Variants in ARL15 observed in about 807,000 individuals in gnomAD.
ARL15 encodes ADP-ribosylation factor-like protein 15.
Under a neutral mutation model 25.2 loss-of-function variants are expected in ARL15, and 19 were observed. That is an observed-to-expected ratio of 0.75 (90% CI 0.53 to 1.10). The LOEUF (loss-of-function observed/expected upper bound fraction) is 1.10. Among genes scored for constraint, ARL15 ranks in the 50% least tolerant of loss-of-function variants. The pLI, the probability that ARL15 is intolerant of heterozygous loss-of-function variation, is 0.00. For synonymous variants in ARL15, 94 were observed against 86.8 expected (o/e 1.08, Z -0.46); for missense variants, 220 against 246.0 (o/e 0.89, Z 0.71).
rs1491507286 is a variant in ARL15 at position 53,910,633 on chromosome 5, T to TATA, written c.463-23921_463-23920insTAT. On this transcript the variant is annotated intron_variant, in intron 4 of 4. Transcript: ENST00000504924. The stretch of plus-strand genomic sequence containing the variant: ...GAACTTAAAGTATAATAAAAAAAAA[T>TATA]TATATATATATATATATATATATAT... 2.9e-3 allele frequency among the ~76,000 whole-genome samples: 159 copies of TATA among 54,906 alleles called. 1 individual carries two copies. Among genetic ancestry groups the TATA allele is most frequent in the African/African-American group, 0.012 (155 of 13,442 alleles). The allele number at this position is 54,906 out of a possible 152,430, so 36.0% of individuals were successfully genotyped here.
chr5:53,959,603 C>T (rs930269557), intron 4 of ARL15, among the ~76,000 whole-genome samples: 7 of 152,052 alleles, frequency 4.6e-5, no homozygotes, highest in African/African-American at 1.2e-4. Flanking sequence ...CGATACTCTG[C>T]CTCTTTTCCT....
intron 4 of ARL15, among the ~76,000 whole-genome samples, chr5:54,044,551 G>A (rs1579732543): frequency 6.6e-6 from 1 of 152,006 alleles, no homozygotes; most frequent in East Asian, 1.9e-4. Flanking sequence ...GGCCAAAACA[G>A]GCCTTTATTT....
intron 4 of ARL15, among the ~76,000 whole-genome samples, chr5:53,892,097 C>G (rs971001898): frequency 6.6e-6 from 1 of 152,184 alleles, no homozygotes; most frequent in Non-Finnish European, 1.5e-5. Context: ...CTTGGACTTA[C>G]TTCCACTGGA....
At chr5:54,077,866 C>CA (rs373680227) in intron 4 of ARL15, among the ~76,000 whole-genome samples, 4 of 152,090 alleles carry the variant, frequency 2.6e-5, no homozygotes, top group African/African-American at 9.7e-5. Flanking sequence ...GGATATTTTA[C>CA]AATGTTTTTG....
At chr5:54,111,778 A>T (rs1017965745) in intron 4 of ARL15, among the ~76,000 whole-genome samples, 6 of 152,112 alleles carry the variant, frequency 3.9e-5, no homozygotes, top group Admixed American at 3.3e-4. Context: ...TAGCTGAATA[A>T]CAATGCATTC....
At chr5:53,991,911 T>TATA (rs1456685499) in intron 4 of ARL15, among the ~76,000 whole-genome samples, 2 of 152,190 alleles carry the variant, frequency 1.3e-5, no homozygotes, top group African/African-American at 4.8e-5. Flanking sequence ...AAATAATACT[T>TATA]ATAAATTGAA....
At chr5:53,893,137 G>A (rs1744773065) in intron 4 of ARL15, among the ~76,000 whole-genome samples, 1 of 152,048 alleles carries the variant, frequency 6.6e-6, no homozygotes. Flanking sequence ...ATTTTTCTCA[G>A]TGATATGGTG....
chr5:54,136,761 G>A (rs1379563054), intron 3 of ARL15, among the ~76,000 whole-genome samples: 3 of 152,130 alleles, frequency 2.0e-5, no homozygotes, highest in African/African-American at 7.2e-5. Flanking sequence ...TATAGCCACA[G>A]GGCTGAGAGT....
At chr5:54,203,816 G>A (rs1755785720) in intron 1 of ARL15, among the ~76,000 whole-genome samples, 1 of 152,078 alleles carries the variant, frequency 6.6e-6, no homozygotes, top group Non-Finnish European at 1.5e-5. Context: ...AAAAAGGGTT[G>A]GTTGGTTGGT....
intron 3 of ARL15, among the ~76,000 whole-genome samples, chr5:54,140,363 A>G (rs2112307152): frequency 6.6e-6 from 1 of 152,174 alleles, no homozygotes; most frequent in East Asian, 1.9e-4. Context: ...TGTACCACCA[A>G]CTATGATTTT....
chr5:54,022,707 C>T (rs79941133), intron 4 of ARL15, among the ~76,000 whole-genome samples: 1 of 152,158 alleles, frequency 6.6e-6, no homozygotes, highest in African/African-American at 2.4e-5. Flanking sequence ...CACCATCAGG[C>T]CCTTTTTTGA....
intron 4 of ARL15, among the ~76,000 whole-genome samples, chr5:53,910,888 C>A (rs1745443202): frequency 1.3e-5 from 2 of 151,682 alleles, no homozygotes; most frequent in Non-Finnish European, 2.9e-5. Flanking sequence ...TAGTTGCCTT[C>A]TCTTTGTTCT....
intron 1 of ARL15, among the ~76,000 whole-genome samples, chr5:54,241,740 G>A (rs1013984403): frequency 6.6e-6 from 1 of 151,654 alleles, no homozygotes; most frequent in Non-Finnish European, 1.5e-5. Context: ...AGCACCTAAG[G>A]TTTAAAAAAC....
chr5:54,033,074 TC>T (rs894226854), intron 4 of ARL15, among the ~76,000 whole-genome samples: 4 of 151,444 alleles, frequency 2.6e-5, no homozygotes, highest in Non-Finnish European at 4.4e-5. Context: ...ACGACTGTAC[TC>T]CTAGCACTTT....
intron 3 of ARL15, among the ~76,000 whole-genome samples, chr5:54,150,772 T>A (rs1253912178): frequency 2.0e-5 from 3 of 149,666 alleles, no homozygotes; most frequent in Non-Finnish European, 4.4e-5. Flanking sequence ...CATTCCATCC[T>A]GGGCAACGGA....
At chr5:54,166,553 G>A (rs1004271830) in intron 2 of ARL15, among the ~76,000 whole-genome samples, 18 of 151,980 alleles carry the variant, frequency 1.2e-4, no homozygotes, top group African/African-American at 4.4e-4. Flanking sequence ...ATCTGTAGGT[G>A]TAGAGTTTTC....
intron 4 of ARL15, among the ~76,000 whole-genome samples, chr5:54,019,881 T>C (rs1027556508): frequency 6.6e-6 from 1 of 152,224 alleles, no homozygotes; most frequent in Non-Finnish European, 1.5e-5. Flanking sequence ...TCACAAAATA[T>C]CTACAAAAGC....
intron 1 of ARL15, among the ~76,000 whole-genome samples, chr5:54,204,013 TTTTG>T (rs1755793925): frequency 6.6e-6 from 1 of 152,136 alleles, no homozygotes; most frequent in Non-Finnish European, 1.5e-5. Flanking sequence ...GCCAAGGTTT[TTTTG>T]TTTGTTTTTA....
intron 2 of ARL15, among the ~76,000 whole-genome samples, chr5:54,156,740 A>G (rs573575095): frequency 6.6e-6 from 1 of 152,340 alleles, no homozygotes; most frequent in East Asian, 1.9e-4. Context: ...GGCTTAATGC[A>G]GATTGACACA....
Sources: gnomAD v4.1 joint callset for allele counts (sites outside exome capture counted in the v4.1 genomes callset) on GRCh38, gnomAD v4.1.1 for gene constraint, MANE v1.5 for transcripts, NCBI Gene and HGNC (gene_info 2026-07-23, HGNC 2026-07-21) for gene names.